Variants in GSDMC observed in about 807,000 individuals in gnomAD.
GSDMC encodes the protein gasdermin C, also known as gasdermin-C.
Under a neutral mutation model 58.0 loss-of-function variants are expected in GSDMC, and 59 were observed. The ratio of observed to expected loss-of-function variants is 1.02; its 90% confidence interval spans 0.82 to 1.26. The LOEUF is 1.26. GSDMC is among the 50% of genes most tolerant of loss of function. The pLI is 0.00. For missense variants in GSDMC, 659 were observed against 598.5 expected, an observed-to-expected ratio of 1.10 and a Z score of -1.06; for synonymous variants, 241 against 220.2, an observed-to-expected ratio of 1.09 and a Z score of -0.83.
chr8:129,776,055 C>A (rs369951973), intron 3 of GSDMC, 47 bp downstream of exon 3: 51 of 1,416,054 alleles, frequency 3.6e-5, no homozygotes, highest in Non-Finnish European at 5.0e-5. Flanking sequence ...AGGAAAACAC[C>A]CCCTGGGATA....
At chr8:129,742,104 G>A in the GSDMC span, among the ~76,000 whole-genome samples, 6 of 150,340 alleles carry the variant, frequency 4.0e-5, no homozygotes, top group Non-Finnish European at 5.9e-5. Flanking sequence ...CATAGAAATA[G>A]AGAGTAGGAC....
At chr8:129,750,232 C>T in intron 11 of GSDMC, 113 bp from the exon 12 acceptor site, 2 of 1,056,978 alleles carry the variant, frequency 1.9e-6, no homozygotes, top group Non-Finnish European at 2.7e-6. Context: ...TCTCTACCTC[C>T]CCCAGGGGAT....
the GSDMC span, among the ~76,000 whole-genome samples, chr8:129,709,059 A>G: frequency 6.6e-6 from 1 of 152,108 alleles, no homozygotes. Context: ...TTCATTTTGT[A>G]TATTCTATCT....
chr8:129,714,401 G>A, the GSDMC span, among the ~76,000 whole-genome samples: 24 of 152,234 alleles, frequency 1.6e-4, no homozygotes, highest in East Asian at 2.1e-3. Context: ...TCATTCCTCC[G>A]TCCATCCATT....
chr8:129,750,207 G>C, intron 11 of GSDMC, 88 bp from the exon 12 acceptor site: 1 of 1,178,538 alleles, frequency 8.5e-7, no homozygotes, highest in Non-Finnish European at 1.2e-6. Flanking sequence ...ATAACCAAGG[G>C]GTAGGCATGA....
the GSDMC span, among the ~76,000 whole-genome samples, chr8:129,737,809 A>G: frequency 1.3e-5 from 2 of 152,332 alleles, no homozygotes; most frequent in African/African-American, 4.8e-5. Context: ...AAAATAGACA[A>G]ATAGGATCTA....
intron 11 of GSDMC, 61 bp from the exon 12 acceptor site, chr8:129,750,180 G>T (rs1032777053): frequency 1.6e-5 from 21 of 1,335,144 alleles, no homozygotes; most frequent in Admixed American, 1.5e-4. Flanking sequence ...TATATAATTT[G>T]CCTGTGTCTA....
chr8:129,705,931 C>T, the GSDMC span, among the ~76,000 whole-genome samples: 1 of 152,112 alleles, frequency 6.6e-6, no homozygotes. Flanking sequence ...ATTGGTTCTA[C>T]TTGGTTGAAA....
chr8:129,709,944 A>G, the GSDMC span, among the ~76,000 whole-genome samples: 97 of 152,306 alleles, frequency 6.4e-4, no homozygotes, highest in Non-Finnish European at 1.1e-3. Flanking sequence ...CATCTCATCT[A>G]AGGTGGTCTT....
At chr8:129,738,849 T>C in the GSDMC span, among the ~76,000 whole-genome samples, 1 of 151,878 alleles carries the variant, frequency 6.6e-6, no homozygotes, top group Non-Finnish European at 1.5e-5. Context: ...ATCTAGGAAA[T>C]GAAGGAAGAG....
the GSDMC span, among the ~76,000 whole-genome samples, chr8:129,720,097 C>A: frequency 6.6e-6 from 1 of 152,122 alleles, no homozygotes. Flanking sequence ...GACACTCAAT[C>A]ATGTAACTAT....
intron 6 of GSDMC, among the ~76,000 whole-genome samples, chr8:129,757,648 C>G (rs767424273): frequency 1.3e-5 from 2 of 151,818 alleles, no homozygotes; most frequent in Non-Finnish European, 2.9e-5. Flanking sequence ...AATATTGATG[C>G]AAAAATTTTC....
chr8:129,771,735 A>G (rs1271190706), intron 3 of GSDMC, among the ~76,000 whole-genome samples: 1 of 152,204 alleles, frequency 6.6e-6, no homozygotes, highest in Admixed American at 6.5e-5. Context: ...AATCATAACA[A>G]GGAATTTCAG....
chr8:129,730,568 G>A, the GSDMC span: 67 of 302,842 alleles, frequency 2.2e-4, no homozygotes, highest in East Asian at 1.2e-3. Context: ...AGAAATATGC[G>A]TATTCTGAAG....
At chr8:129,752,283 G>A (rs1208096849) in intron 7 of GSDMC, 136 bp from the exon 8 acceptor site, 30 of 734,506 alleles carry the variant, frequency 4.1e-5, no homozygotes, top group Non-Finnish European at 9.4e-6. Context: ...CATCAGTTCA[G>A]TTAAAAAACT....
the GSDMC span, among the ~76,000 whole-genome samples, chr8:129,709,200 C>G: frequency 2.0e-5 from 3 of 151,682 alleles, no homozygotes. Flanking sequence ...GTTTATCTAT[C>G]CCACACATTG....
chr8:129,721,090 C>CT, the GSDMC span, among the ~76,000 whole-genome samples: 1 of 152,186 alleles, frequency 6.6e-6, no homozygotes, highest in Non-Finnish European at 1.5e-5. Context: ...GTTGGTTTCA[C>CT]TTTTTCTTCC....
intron 1 of GSDMC, among the ~76,000 whole-genome samples, chr8:129,783,299 A>G (rs1183638839): frequency 6.6e-6 from 1 of 152,216 alleles, no homozygotes; most frequent in Non-Finnish European, 1.5e-5. Context: ...GAAGAAGTCA[A>G]ATTGTCCTTG....
chr8:129,777,416 C>T lies in GSDMC; in HGVS notation c.172G>A (p.Val58Ile). ...SFWEQSDYVP[V>I]EFSLNDILEP... ...AGGATGTCATTGAGGGAGAATTCAACTGGAACATAGTCAGATTGTTCCCAA... is the reference window on the plus strand; with the variant it reads ...AGGATGTCATTGAGGGAGAATTCAATTGGAACATAGTCAGATTGTTCCCAA... The change falls in exon 2 of 14, where the codon GTT (valine) becomes ATT (isoleucine). Residue 58 changes from valine to isoleucine, a missense_variant. By Grantham distance (29) the Val-to-Ile change is conservative. Coordinates refer to ENST00000276708, the MANE Select transcript of GSDMC (RefSeq NM_031415.3). The T allele has an allele frequency of 6.2e-7, 1 of 1,613,814 alleles. No homozygotes were observed. Among genetic ancestry groups the T allele is most frequent in the East Asian group, 2.2e-5 (1 of 44,870 alleles).
Sources: allele counts gnomAD v4.1 joint callset (sites outside exome capture counted in the v4.1 genomes callset), GRCh38; gene constraint gnomAD v4.1.1; transcripts MANE v1.5; gene names NCBI Gene and HGNC (gene_info 2026-07-23, HGNC 2026-07-21).